Variants in BST1 observed in about 807,000 individuals in gnomAD.
BST1 encodes bone marrow stromal cell antigen 1.
BST1 carries 49 observed loss-of-function variants against 40.6 expected under a neutral mutation model. The observed-to-expected ratio is 1.21, with a 90% CI of 0.96 to 1.53. The LOEUF is 1.53. Among genes scored for constraint, BST1 ranks in the 40% most tolerant of loss-of-function variants. The pLI is 0.00. For synonymous variants in BST1, 157 were observed against 159.3 expected (o/e 0.99, Z 0.11); for missense variants, 423 against 395.9 (o/e 1.07, Z -0.58).
chr4:15,727,079 C>T (rs767252604), intron 8 of BST1, among the ~76,000 whole-genome samples: 38 of 152,108 alleles, frequency 2.5e-4, no homozygotes, highest in Admixed American at 1.7e-3. Flanking sequence ...TTTACTCCAA[C>T]CACATTCCTA....
At chr4:15,734,427 T>C (rs529713062), downstream of BST1, among the ~76,000 whole-genome samples, 475 of 152,272 alleles carry the variant, frequency 3.1e-3, 7 homozygotes, top group African/African-American at 0.011. Context: ...AACTTAATTA[T>C]ATGATGAAAA....
chr4:15,773,238 C>T, the BST1 span, among the ~76,000 whole-genome samples: 5 of 152,088 alleles, frequency 3.3e-5, no homozygotes, highest in African/African-American at 7.2e-5. Context: ...ATATGTGGAA[C>T]GAGGGAGAGG....
In BST1 at chr4:15,703,137, G is replaced by A. The variant is rs1274949359; in HGVS notation, c.-8G>A. On this transcript the variant is annotated 5_prime_UTR_variant, in exon 1 of 9. Coordinates refer to ENST00000265016, the MANE Select transcript of BST1 (RefSeq NM_004334.3). ...GAAGCACGGGACTGGAGGGACCAAA[G>A]TTCCCCGATGGCGGCCCAGGGGTGC... is the stretch of plus-strand genomic sequence containing the variant. The A allele has an allele frequency of 6.3e-7, 1 of 1,582,400 alleles. No homozygotes were observed. The highest frequency in any genetic ancestry group is 8.6e-7 in the Non-Finnish European group (1 of 1,167,102).
At chr4:15,722,542 T>A (rs528699595) in intron 7 of BST1, among the ~76,000 whole-genome samples, 1 of 151,998 alleles carries the variant, frequency 6.6e-6, no homozygotes, top group East Asian at 1.9e-4. Flanking sequence ...CTCAGCCTCC[T>A]GGGTAGCTGA....
At chr4:15,711,995 G>T in intron 4 of BST1, 106 bp downstream of exon 4, 4 of 891,212 alleles carry the variant, frequency 4.5e-6, no homozygotes, top group Non-Finnish European at 5.4e-6. Context: ...ACTTCTCTGA[G>T]CCTCACTTTC....
the BST1 span, among the ~76,000 whole-genome samples, chr4:15,767,713 C>T: frequency 6.6e-6 from 1 of 151,620 alleles, no homozygotes; most frequent in Non-Finnish European, 1.5e-5. Context: ...GGGGAAGGGG[C>T]ATACGTCACT....
chr4:15,757,984 A>G, the BST1 span, among the ~76,000 whole-genome samples: 1 of 152,332 alleles, frequency 6.6e-6, no homozygotes, highest in African/African-American at 2.4e-5. Context: ...TAAAAACCCA[A>G]TAACATCAGC....
rs1560276274 is a variant in BST1, at chr4:15,705,625, CTA to C, written c.301_302del (p.Ile101SerfsTer4). ...CTTTTTATTAACTTGTCCAGGCACT[CTA>C]TTCCCAGAGATAAGGTAACACCACA... On this transcript the variant is annotated frameshift_variant, in exon 2 of 9. Transcript: ENST00000265016. LOFTEE classifies it high-confidence loss of function. The C allele has an allele frequency of 1.9e-6, 3 of 1,614,074 alleles. No homozygotes were observed. In the Admixed American group the frequency reaches 5.0e-5, roughly 27 times the overall value.
intron 5 of BST1, 144 bp from the exon 6 acceptor site, chr4:15,715,563 A>G (rs1017011960): frequency 1.3e-5 from 10 of 794,256 alleles, no homozygotes; most frequent in African/African-American, 1.8e-5. Context: ...GAATACAGGA[A>G]TAAAAAGTAA....
At chr4:15,736,161 C>T (rs560363949), downstream of BST1, 7 of 1,270,268 alleles carry the variant, frequency 5.5e-6, no homozygotes, top group Middle Eastern at 4.3e-4. Context: ...CATATCATTG[C>T]CTCCTGACTG....
At chr4:15,713,263 G>A (rs949834907) in intron 4 of BST1, among the ~76,000 whole-genome samples, 58 of 126,444 alleles carry the variant, frequency 4.6e-4, no homozygotes, top group African/African-American at 1.7e-3. Flanking sequence ...TTGGCTCACT[G>A]CAACCTCTGC....
chr4:15,711,957 C>A, intron 4 of BST1, 68 bp downstream of exon 4: 2 of 1,391,892 alleles, frequency 1.4e-6, no homozygotes, highest in African/African-American at 1.4e-5. Context: ...CATAGTCATT[C>A]AGAGTCTGGG....
chr4:15,766,341 G>A, the BST1 span, among the ~76,000 whole-genome samples: 2 of 151,900 alleles, frequency 1.3e-5, no homozygotes, highest in African/African-American at 4.9e-5. Context: ...GTGGGGCAGT[G>A]GGAGAGCTGA....
downstream of BST1, among the ~76,000 whole-genome samples, chr4:15,735,819 G>A (rs746707687): frequency 6.6e-6 from 1 of 152,126 alleles, no homozygotes; most frequent in Non-Finnish European, 1.5e-5. Context: ...AGTGACCTGC[G>A]ACTCAATTAG....
chr4:15,754,795 T>C, the BST1 span, among the ~76,000 whole-genome samples: 59 of 152,266 alleles, frequency 3.9e-4, no homozygotes, highest in African/African-American at 1.4e-3. Context: ...TATGAAAAAA[T>C]CTCATTCCCA....
the BST1 span, among the ~76,000 whole-genome samples, chr4:15,749,257 T>C: frequency 2.6e-5 from 4 of 152,092 alleles, no homozygotes; most frequent in South Asian, 8.3e-4. Flanking sequence ...GTGCTTCCCA[T>C]TGGAAGTTGA....
At chr4:15,716,851 C>T (rs539830729) in intron 6 of BST1, among the ~76,000 whole-genome samples, 29 of 152,286 alleles carry the variant, frequency 1.9e-4, no homozygotes, top group African/African-American at 6.7e-4. Flanking sequence ...TGTCAGCTCA[C>T]TGCAACCTCC....
chr4:15,716,204 C>T (rs900001336), intron 6 of BST1, among the ~76,000 whole-genome samples: 3 of 152,192 alleles, frequency 2.0e-5, no homozygotes, highest in South Asian at 2.1e-4. Flanking sequence ...CAGAGAACAA[C>T]CAGCTCTTCA....
intron 6 of BST1, among the ~76,000 whole-genome samples, chr4:15,717,694 G>C (rs1180362338): frequency 6.6e-6 from 1 of 152,194 alleles, no homozygotes; most frequent in African/African-American, 2.4e-5. Context: ...GACTGGGCTG[G>C]TGGCATGGGA....
Sources: allele counts gnomAD v4.1 joint callset (sites outside exome capture counted in the v4.1 genomes callset), GRCh38; gene constraint gnomAD v4.1.1; transcripts MANE v1.5; gene names NCBI Gene and HGNC (gene_info 2026-07-23, HGNC 2026-07-21).